Variants in E2F3 observed in about 807,000 individuals in gnomAD.
E2F3 encodes E2F transcription factor 3.
E2F3 carries 11 observed loss-of-function variants against 44.4 expected under a neutral mutation model. The observed-to-expected ratio is 0.25, with a 90% confidence interval of 0.16 to 0.41. The LOEUF (loss-of-function observed/expected upper bound fraction) is 0.41. E2F3 is among the 10% of genes least tolerant of loss of function. E2F3 has a pLI of 1.00. For synonymous variants in E2F3, 249 were observed against 253.0 expected (o/e 0.98, Z 0.15); for missense variants, 487 against 583.6 (o/e 0.83, Z 1.70).
intron 1 of E2F3, among the ~76,000 whole-genome samples, chr6:20,451,803 A>G (rs756152566): frequency 2.0e-5 from 3 of 152,238 alleles, no homozygotes; most frequent in Admixed American, 1.3e-4. Flanking sequence ...CCTTTTCAGC[A>G]TCTATTGAGA....
At chr6:20,485,532 T>C (rs1250763711) in intron 4 of E2F3, among the ~76,000 whole-genome samples, 2 of 152,148 alleles carry the variant, frequency 1.3e-5, no homozygotes, top group African/African-American at 4.8e-5. Context: ...TGAGCTGAGA[T>C]TGGGCCACTG....
intron 1 of E2F3, among the ~76,000 whole-genome samples, chr6:20,444,048 C>A (rs1760858862): frequency 6.6e-6 from 1 of 150,782 alleles, no homozygotes; most frequent in African/African-American, 2.4e-5. Flanking sequence ...CAGGTCTCTA[C>A]AAAAAAAAAT....
chr6:20,456,366 A>G (rs1761310022), intron 1 of E2F3, among the ~76,000 whole-genome samples: 2 of 152,134 alleles, frequency 1.3e-5, no homozygotes, highest in South Asian at 4.1e-4. Flanking sequence ...GGAGAATTAT[A>G]CAATGGAAAT....
chr6:20,433,977 T>C (rs1287240010), intron 1 of E2F3, among the ~76,000 whole-genome samples: 1 of 152,210 alleles, frequency 6.6e-6, no homozygotes, highest in Non-Finnish European at 1.5e-5. Flanking sequence ...CTCCACACTT[T>C]TGTTAATTTT....
chr6:20,405,344 ATTTTT>A (rs150647270), intron 1 of E2F3, among the ~76,000 whole-genome samples: 86 of 108,194 alleles, frequency 7.9e-4, no homozygotes, highest in African/African-American at 3.0e-3. Context: ...GGTTATCTGC[ATTTTT>A]TTTTTTTTTT....
intron 1 of E2F3, among the ~76,000 whole-genome samples, chr6:20,453,016 T>A (rs564983619): frequency 2.2e-4 from 33 of 151,004 alleles, no homozygotes; most frequent in Non-Finnish European, 4.6e-4. Flanking sequence ...TGTTTGTTTG[T>A]TTGTTTTGCA....
intron 1 of E2F3, among the ~76,000 whole-genome samples, chr6:20,426,741 C>A (rs1760228618): frequency 6.6e-6 from 1 of 152,202 alleles, no homozygotes; most frequent in African/African-American, 2.4e-5. Flanking sequence ...TTGAACTCTG[C>A]CTGCTCTGTT....
At chr6:20,479,339 G>T (rs1193158219) in intron 1 of E2F3, among the ~76,000 whole-genome samples, 1 of 152,188 alleles carries the variant, frequency 6.6e-6, no homozygotes, top group East Asian at 1.9e-4. Flanking sequence ...AACAGTCCCT[G>T]CCTTAAAGGA....
At chr6:20,414,998 T>C (rs926984314) in intron 1 of E2F3, among the ~76,000 whole-genome samples, 4 of 152,236 alleles carry the variant, frequency 2.6e-5, no homozygotes, top group Non-Finnish European at 5.9e-5. Flanking sequence ...GGAAATGTAC[T>C]TTGTGTTCCT....
At chr6:20,432,887 T>G (rs948790067) in intron 1 of E2F3, among the ~76,000 whole-genome samples, 1 of 152,246 alleles carries the variant, frequency 6.6e-6, no homozygotes, top group Admixed American at 6.5e-5. Context: ...TGCTGTCCCA[T>G]CTGCCTGGAA....
At chr6:20,479,311 A>G (rs559832372) in intron 1 of E2F3, among the ~76,000 whole-genome samples, 1 of 152,360 alleles carries the variant, frequency 6.6e-6, no homozygotes, top group Admixed American at 6.5e-5. Context: ...AGCACTGGGT[A>G]TACAAAGATA....
At chr6:20,482,654 C>A in intron 3 of E2F3, 108 bp from the exon 4 acceptor site, 2 of 960,528 alleles carry the variant, frequency 2.1e-6, no homozygotes, top group Non-Finnish European at 3.0e-6. Context: ...ACTTGGCTAA[C>A]AAGCAATGTG....
At chr6:20,405,550 C>T (rs964916033) in intron 1 of E2F3, among the ~76,000 whole-genome samples, 1 of 152,032 alleles carries the variant, frequency 6.6e-6, no homozygotes, top group Non-Finnish European at 1.5e-5. Flanking sequence ...ACTGGCCGGG[C>T]GCTGTGGCTC....
intron 1 of E2F3, among the ~76,000 whole-genome samples, chr6:20,414,972 T>C (rs2127587187): frequency 6.6e-6 from 1 of 152,196 alleles, no homozygotes; most frequent in East Asian, 1.9e-4. Flanking sequence ...AAGGATTAAA[T>C]GAGATAGTGT....
At chr6:20,446,335 T>C (rs1339099873) in intron 1 of E2F3, among the ~76,000 whole-genome samples, 1 of 152,178 alleles carries the variant, frequency 6.6e-6, no homozygotes, top group African/African-American at 2.4e-5. Context: ...GCCTGACTTA[T>C]AGTAGAGCAT....
intron 1 of E2F3, among the ~76,000 whole-genome samples, chr6:20,451,818 C>G (rs927096337): frequency 6.6e-6 from 1 of 152,140 alleles, no homozygotes; most frequent in African/African-American, 2.4e-5. Context: ...TTGAGATAAT[C>G]ATGTGTTTTT....
In E2F3 at chr6:20,432,090, C is replaced by T. The variant is rs191842975; in HGVS notation, c.393+29465C>T. On this transcript the variant is annotated intron_variant, in intron 1 of 6. Transcript: ENST00000346618. ...CTCCAAATACAGCCACATTCTGAGG[C>T]ACTGGGGGTTATGACTTCAACATAG... 2.3e-3 allele frequency among the ~76,000 whole-genome samples: 344 copies of T among 152,378 alleles called. 3 individuals carry two copies. Among genetic ancestry groups the T allele is most frequent in the Admixed American group, 0.014 (207 of 15,310 alleles).
At chr6:20,404,780 T>G (rs1158694865) in intron 1 of E2F3, among the ~76,000 whole-genome samples, 1 of 152,144 alleles carries the variant, frequency 6.6e-6, no homozygotes, top group Admixed American at 6.5e-5. Context: ...AGTACCTGCT[T>G]AGACATAGCA....
At chr6:20,478,178 G>A (rs541319806) in intron 1 of E2F3, among the ~76,000 whole-genome samples, 71 of 152,094 alleles carry the variant, frequency 4.7e-4, no homozygotes, top group Non-Finnish European at 9.4e-4. Flanking sequence ...CAGCCTGGGC[G>A]GCAGAGCAAG....
Sources: allele counts gnomAD v4.1 joint callset (sites outside exome capture counted in the v4.1 genomes callset), GRCh38; gene constraint gnomAD v4.1.1; transcripts MANE v1.5; gene names NCBI Gene and HGNC (gene_info 2026-07-23, HGNC 2026-07-21).